DCAF5: variants seen among roughly 807,000 people sequenced by gnomAD.
DCAF5 encodes DDB1- and CUL4-associated factor 5.
Under a neutral mutation model 80.7 loss-of-function variants are expected in DCAF5, and 9 were observed. That is an observed-to-expected ratio of 0.11 (90% CI 0.07 to 0.19). DCAF5 has a LOEUF of 0.19. Ranked by LOEUF, DCAF5 falls within the 10% of genes least tolerant of loss-of-function variation. The pLI is 1.00. For synonymous variants in DCAF5, 433 were observed against 461.9 expected (o/e 0.94, Z 0.80); for missense variants, 842 against 1,205.7 (o/e 0.70, Z 4.47).
intron 1 of DCAF5, among the ~76,000 whole-genome samples, chr14:69,141,392 T>C (rs2041369927): frequency 6.6e-6 from 1 of 152,100 alleles, no homozygotes; most frequent in African/African-American, 2.4e-5. Flanking sequence ...CTAGGGTACA[T>C]GTGCACAACG....
At chr14:69,081,388 T>A (rs1236124227) in intron 6 of DCAF5, among the ~76,000 whole-genome samples, 2 of 152,220 alleles carry the variant, frequency 1.3e-5, no homozygotes, top group African/African-American at 4.8e-5. Context: ...TTATCCATAA[T>A]CTTTCCCAGC....
chr14:69,090,992 G>C (rs1383735231), intron 6 of DCAF5: 1 of 693,630 alleles, frequency 1.4e-6, no homozygotes, highest in African/African-American at 1.8e-5. Flanking sequence ...AGCCCAACTG[G>C]TCACTGACAC....
intron 5 of DCAF5, among the ~76,000 whole-genome samples, chr14:69,107,227 CTT>C (rs1235528832): frequency 1.3e-5 from 2 of 152,148 alleles, no homozygotes; most frequent in Non-Finnish European, 2.9e-5. Flanking sequence ...AGCGACGTCT[CTT>C]GTCATAAAAG....
chr14:69,086,110 A>G (rs1309252505), intron 6 of DCAF5, among the ~76,000 whole-genome samples: 1 of 152,242 alleles, frequency 6.6e-6, no homozygotes, highest in Non-Finnish European at 1.5e-5. Flanking sequence ...TAATCCCAGC[A>G]CTTTGGGAGG....
chr14:69,097,055 G>GTC (rs1371124490), intron 5 of DCAF5, among the ~76,000 whole-genome samples: 10 of 152,244 alleles, frequency 6.6e-5, no homozygotes, highest in Non-Finnish European at 1.3e-4. Flanking sequence ...AGAAGTTGGG[G>GTC]TGGATGCACT....
chr14:69,091,665 A>G lies in DCAF5; in HGVS notation c.879+9T>C, dbSNP rs1040024663. Reference sequence around the variant, plus strand: ...TAAGTGTGAGATGCAGGAGGCAGACAGCATTTACCTGGTCACGATCTCCTG... The same window carrying G: ...TAAGTGTGAGATGCAGGAGGCAGACGGCATTTACCTGGTCACGATCTCCTG... On this transcript the variant is annotated intron_variant, in intron 6 of 8. Transcript: ENST00000341516. 1.9e-6 allele frequency: 3 copies of G among 1,611,736 alleles called. No individual in the cohort carries two copies. Among genetic ancestry groups the G allele is most frequent in the Non-Finnish European group, 8.5e-7 (1 of 1,177,958 alleles).
At chr14:69,106,065 CTTTT>C (rs1194454385) in intron 5 of DCAF5, among the ~76,000 whole-genome samples, 7 of 149,814 alleles carry the variant, frequency 4.7e-5, no homozygotes, top group African/African-American at 1.7e-4. Context: ...TTTTGTGTTG[CTTTT>C]TTTGAGACGG....
intron 4 of DCAF5, among the ~76,000 whole-genome samples, chr14:69,116,881 T>C (rs1434423959): frequency 6.6e-6 from 1 of 152,294 alleles, no homozygotes; most frequent in Middle Eastern, 3.4e-3. Context: ...TTTAATCCAA[T>C]TGTATTAGTT....
chr14:69,104,904 A>T (rs2040084156), intron 5 of DCAF5, among the ~76,000 whole-genome samples: 1 of 152,042 alleles, frequency 6.6e-6, no homozygotes, highest in African/African-American at 2.4e-5. Flanking sequence ...AACTAAAAAG[A>T]CTTAGAAGTC....
At chr14:69,091,283 T>C (rs1341062512) in intron 6 of DCAF5, 1 of 626,982 alleles carries the variant, frequency 1.6e-6, no homozygotes. Context: ...TGGATGGTAC[T>C]TAGGGTGTTT....
chr14:69,061,383 G>A (rs1197193579), intron 8 of DCAF5, among the ~76,000 whole-genome samples: 6 of 152,068 alleles, frequency 3.9e-5, no homozygotes, highest in Admixed American at 6.6e-5. Context: ...ATCATTTACC[G>A]TGAATTCTCA....
chr14:69,095,524 A>G (rs565006198), intron 5 of DCAF5, among the ~76,000 whole-genome samples: 2 of 149,394 alleles, frequency 1.3e-5, no homozygotes, highest in African/African-American at 4.8e-5. Flanking sequence ...TGTGGGGTTT[A>G]TTTTGTTTTG....
rs755872623 is a variant in DCAF5, at chr14:69,054,031, C to T, written c.2655G>A (p.Gly885=). 2 of 1,612,834 alleles carry T rather than the reference C, an allele frequency of 1.2e-6. No homozygotes were observed. The highest frequency in any genetic ancestry group is 2.2e-5 in the South Asian group (2 of 91,006). ...TGTLLHKDCC[G]SEMACETPNA... is the part of the protein sequence containing the mutation. ...TGGGGGTCTCACAGGCCATTTCAGA[C>T]CCGCAACAATCTTTGTGTAGGAGTG... The change falls in exon 9 of 9, where the codon GGG becomes GGA. Residue 885 remains glycine (G), a synonymous_variant. Coordinates refer to ENST00000341516, the MANE Select transcript of DCAF5 (RefSeq NM_003861.3).
chr14:69,140,529 T>C (rs1343719909), intron 1 of DCAF5, among the ~76,000 whole-genome samples: 4 of 152,178 alleles, frequency 2.6e-5, no homozygotes, highest in Non-Finnish European at 5.9e-5. Flanking sequence ...CACTTTTAGT[T>C]AAACACTCCT....
At chr14:69,103,224 A>G (rs2040025404) in intron 5 of DCAF5, among the ~76,000 whole-genome samples, 1 of 152,224 alleles carries the variant, frequency 6.6e-6, no homozygotes, top group Non-Finnish European at 1.5e-5. Flanking sequence ...GCATATGGAA[A>G]TAATGCCATA....
intron 1 of DCAF5, among the ~76,000 whole-genome samples, chr14:69,131,052 G>C (rs1147481): frequency 0.63 from 96,488 of 152,032 alleles, 31,507 homozygotes; most frequent in East Asian, 0.9. Flanking sequence ...CCTTGTGTCC[G>C]TAAAGTATCA....
At chr14:69,078,317 C>G (rs2038975676) in intron 6 of DCAF5, among the ~76,000 whole-genome samples, 1 of 152,078 alleles carries the variant, frequency 6.6e-6, no homozygotes, top group Non-Finnish European at 1.5e-5. Context: ...TAGGGAAATG[C>G]AAATCAAAAC....
chr14:69,121,981 C>A (rs1224959454), intron 2 of DCAF5, among the ~76,000 whole-genome samples: 3 of 151,090 alleles, frequency 2.0e-5, no homozygotes, highest in Non-Finnish European at 4.4e-5. Context: ...AAGTTTTCTG[C>A]CAAAGAGAAA....
intron 6 of DCAF5, among the ~76,000 whole-genome samples, chr14:69,088,702 C>G (rs997763090): frequency 6.6e-6 from 1 of 152,190 alleles, no homozygotes; most frequent in African/African-American, 2.4e-5. Context: ...GGTTACCCAG[C>G]CTATGACTAA....
Sources: allele counts gnomAD v4.1 joint callset (sites outside exome capture counted in the v4.1 genomes callset), GRCh38; gene constraint gnomAD v4.1.1; transcripts MANE v1.5; gene names NCBI Gene and HGNC (gene_info 2026-07-23, HGNC 2026-07-21).